The following PHACTR3 variants were observed in gnomAD, a reference collection of about 807,000 sequenced individuals.
The protein encoded by PHACTR3 is protein phosphatase 1, regulatory subunit 123.
Under a neutral mutation model 66.8 loss-of-function variants are expected in PHACTR3, and 16 were observed. That is an observed-to-expected ratio of 0.24 (90% CI 0.16 to 0.36). PHACTR3 has a LOEUF of 0.36. Ranked by LOEUF, PHACTR3 falls within the 10% of genes least tolerant of loss-of-function variation. The probability of loss-of-function intolerance (pLI) is 1.00; values close to 1 mark genes in which losing one functional copy is unlikely to be tolerated. For missense variants in PHACTR3, 647 were observed against 719.9 expected (o/e 0.90, Z 1.16); for synonymous variants, 323 against 292.1 (o/e 1.11, Z -1.08).
chr20:59,642,358 A>C (rs60035404), intron 1 of PHACTR3, among the ~76,000 whole-genome samples: 6,819 of 151,556 alleles, frequency 0.045, 533 homozygotes, highest in African/African-American at 0.15. Flanking sequence ...TTTATTATTG[A>C]AAATTCAGAA....
At chr20:59,748,832 C>CT (rs2039468741) in intron 3 of PHACTR3, among the ~76,000 whole-genome samples, 1 of 152,144 alleles carries the variant, frequency 6.6e-6, no homozygotes, top group African/African-American at 2.4e-5. Flanking sequence ...TAAAATATTA[C>CT]TAGTGTCTTT....
intron 1 of PHACTR3, among the ~76,000 whole-genome samples, chr20:59,717,307 A>G (rs2038127181): frequency 1.3e-5 from 2 of 152,216 alleles, no homozygotes; most frequent in African/African-American, 2.4e-5. Context: ...GTAAATGTGC[A>G]TGCAGCTATG....
intron 1 of PHACTR3, among the ~76,000 whole-genome samples, chr20:59,662,004 G>A (rs542061803): frequency 2.0e-5 from 3 of 152,130 alleles, no homozygotes; most frequent in South Asian, 2.1e-4. Flanking sequence ...TATTGTATTC[G>A]GTGCTGCACA....
intron 1 of PHACTR3, among the ~76,000 whole-genome samples, chr20:59,625,343 G>A (rs1190377753): frequency 2.0e-5 from 3 of 151,984 alleles, no homozygotes; most frequent in Admixed American, 6.6e-5. Flanking sequence ...CTGTGGGCAC[G>A]GGGTTTGCCC....
At chr20:59,637,474 C>T (rs1265081803) in intron 1 of PHACTR3, among the ~76,000 whole-genome samples, 2 of 152,152 alleles carry the variant, frequency 1.3e-5, no homozygotes, top group Non-Finnish European at 2.9e-5. Context: ...CAGGCCAAAA[C>T]ATCTTAGCTC....
chr20:59,677,188 C>A (rs1403119614), intron 1 of PHACTR3, among the ~76,000 whole-genome samples: 2 of 152,140 alleles, frequency 1.3e-5, no homozygotes, highest in Non-Finnish European at 1.5e-5. Flanking sequence ...TGCGTTTTGA[C>A]TGCATGGTGT....
intron 1 of PHACTR3, among the ~76,000 whole-genome samples, chr20:59,698,859 T>G (rs1311904922): frequency 2.0e-5 from 3 of 152,190 alleles, no homozygotes; most frequent in Non-Finnish European, 2.9e-5. Context: ...CTTGGATGAC[T>G]TTTTCTCTCA....
At chr20:59,689,325 C>T (rs1016575619) in intron 1 of PHACTR3, among the ~76,000 whole-genome samples, 2 of 152,182 alleles carry the variant, frequency 1.3e-5, no homozygotes, top group African/African-American at 4.8e-5. Context: ...GACTGTGGGG[C>T]AGGTCTGAGG....
chr20:59,783,928 G>A (rs919016465), intron 7 of PHACTR3, among the ~76,000 whole-genome samples: 1 of 152,268 alleles, frequency 6.6e-6, no homozygotes, highest in South Asian at 2.1e-4. Context: ...AACTGTATCC[G>A]TCTCCCTGGG....
intron 7 of PHACTR3, among the ~76,000 whole-genome samples, chr20:59,783,689 A>G (rs1444514579): frequency 6.6e-6 from 1 of 152,234 alleles, no homozygotes; most frequent in Admixed American, 6.5e-5. Flanking sequence ...CCAATGCGTA[A>G]GCACATCATA....
intron 1 of PHACTR3, among the ~76,000 whole-genome samples, chr20:59,669,796 G>GT (rs2146501850): frequency 1.3e-5 from 2 of 152,336 alleles, no homozygotes; most frequent in South Asian, 4.1e-4. Context: ...TGTAGCATGT[G>GT]TCAGCCCTCC....
At chr20:59,615,848 G>A (rs1410482676) in intron 1 of PHACTR3, among the ~76,000 whole-genome samples, 1 of 152,214 alleles carries the variant, frequency 6.6e-6, no homozygotes, top group East Asian at 1.9e-4. Flanking sequence ...TTTGGTTGGG[G>A]GAGCAGGAAA....
intron 7 of PHACTR3, among the ~76,000 whole-genome samples, chr20:59,778,602 T>C (rs2040617738): frequency 6.6e-6 from 1 of 152,222 alleles, no homozygotes; most frequent in Admixed American, 6.5e-5. Context: ...GCAGCCTCTC[T>C]ACCAGCACAT....
intron 1 of PHACTR3, among the ~76,000 whole-genome samples, chr20:59,741,142 C>T (rs989312194): frequency 3.9e-5 from 6 of 152,246 alleles, no homozygotes; most frequent in African/African-American, 1.4e-4. Flanking sequence ...GCCACACCGT[C>T]CAGCCCTTCT....
chr20:59,751,938 T>C (rs957833582), intron 3 of PHACTR3, among the ~76,000 whole-genome samples: 1 of 152,200 alleles, frequency 6.6e-6, no homozygotes, highest in Non-Finnish European at 1.5e-5. Flanking sequence ...CACGTTTCTC[T>C]GTGCTAGACA....
intron 1 of PHACTR3, among the ~76,000 whole-genome samples, chr20:59,672,974 C>T (rs149448298): frequency 2.8e-4 from 43 of 152,258 alleles, no homozygotes; most frequent in Non-Finnish European, 5.0e-4. Context: ...TGGAGAGAGG[C>T]CCTGGACACA....
chr20:59,776,574 G>A (rs1182492), intron 7 of PHACTR3, among the ~76,000 whole-genome samples: 97,469 of 152,114 alleles, frequency 0.64, 33,508 homozygotes, highest in Non-Finnish European at 0.76. Flanking sequence ...AGGGTCTCCC[G>A]GCTTGACTTT....
intron 1 of PHACTR3, among the ~76,000 whole-genome samples, chr20:59,618,586 AAGGGAAGGGCAGGAG>A (rs2034118786): frequency 6.6e-6 from 1 of 152,112 alleles, no homozygotes; most frequent in South Asian, 2.1e-4. Context: ...CTCAGCTTGG[AAGGGAAGGGCAGGAG>A]AGGGAAGGGA....
At chr20:59,591,433 C>T (rs1052576203) in intron 1 of PHACTR3, among the ~76,000 whole-genome samples, 30 of 152,116 alleles carry the variant, frequency 2.0e-4, no homozygotes, top group South Asian at 8.3e-4. Context: ...TGACACCATG[C>T]GGGGAACTTG....
Sources: allele counts gnomAD v4.1 joint callset (sites outside exome capture counted in the v4.1 genomes callset), GRCh38; gene constraint gnomAD v4.1.1; transcripts MANE v1.5; gene names NCBI Gene and HGNC (gene_info 2026-07-23, HGNC 2026-07-21).